The following ZGLP1 variants were observed in gnomAD, a reference collection of about 807,000 sequenced individuals.
ZGLP1 encodes zinc finger GATA like protein 1.
In ZGLP1, 11 loss-of-function variants were observed where a neutral mutation model predicts 21.4. That is an observed-to-expected ratio of 0.51 (90% confidence interval 0.32 to 0.85). The LOEUF (loss-of-function observed/expected upper bound fraction) is 0.85. Among genes scored for constraint, ZGLP1 ranks in the 40% least tolerant of loss-of-function variants. ZGLP1 has a pLI of 0.03. For missense variants in ZGLP1, 295 were observed against 355.6 expected, an observed-to-expected ratio of 0.83 and a Z score of 1.37; for synonymous variants, 148 against 145.0, an observed-to-expected ratio of 1.02 and a Z score of -0.15.
chr19:10,308,235 C>T, exon 1 of ZGLP1: 1 of 1,575,042 alleles, frequency 6.3e-7, no homozygotes, highest in Non-Finnish European at 8.6e-7. Context: ...TCTGAAACTT[C>T]AGAGTCACCC....
Position 10,305,906 on chromosome 19 carries a change from C to T in ZGLP1, c.544G>A (p.Gly182Arg), listed in dbSNP as rs375604899. The T allele has an allele frequency of 6.4e-7, 1 of 1,565,672 alleles. No individual in the cohort carries two copies. The highest frequency in any genetic ancestry group is 2.3e-5 in the East Asian group (1 of 42,730). ...CCTCCTGGGTGGGCTGCAGGGCCCCCAACAGCATCTGCAGGGGATTCCTGA... is the reference window on the plus strand; with the variant it reads ...CCTCCTGGGTGGGCTGCAGGGCCCCTAACAGCATCTGCAGGGGATTCCTGA... The change falls in exon 2 of 4, where the codon GGG becomes AGG. Residue 182 changes from glycine to arginine, a missense_variant. By Grantham distance (125) the Gly-to-Arg change is moderately radical. Transcript: ENST00000403903. This position sits in a 1 kb window ranked among gnomAD's most constrained non-coding sequence, Gnocchi z 4.7.
intron 1 of ZGLP1, among the ~76,000 whole-genome samples, chr19:10,306,705 G>A (rs531214231): frequency 6.6e-6 from 1 of 152,202 alleles, no homozygotes; most frequent in East Asian, 1.9e-4. Context: ...CTCCCAGCTA[G>A]TTGGGAGGCT....
chr19:10,308,283 G>C, exon 1 of ZGLP1: 1 of 1,608,682 alleles, frequency 6.2e-7, no homozygotes, highest in Non-Finnish European at 8.5e-7. Flanking sequence ...TGCCCCGGCA[G>C]GGGTTCAGCT....
rs372010625 is a variant in ZGLP1 at position 10,305,884 on chromosome 19, C to G, written c.566G>C (p.Gly189Ala). ...GCCTGCTGAGTGGGCCTCGGTGCCT[C>G]CTGGGTGGGCTGCAGGGCCCCCAAC... is the stretch of plus-strand genomic sequence containing the variant. Residue 189 changes from glycine (G) to alanine (A), a missense_variant, in exon 2 of 4, where the codon GGA becomes GCA. By Grantham distance (60) the Gly-to-Ala change is moderately conservative (BLOSUM62 0). Around this residue, in one of 2 missense-constraint regions of ZGLP1, gnomAD observed 252 missense variants for 264.0 expected, o/e 0.95. Transcript: ENST00000403903. This position sits in a 1 kb window ranked among gnomAD's most constrained non-coding sequence, Gnocchi z 4.7. 2.8e-5 allele frequency: 43 copies of G among 1,563,020 alleles called. No individual in the cohort carries two copies. The highest frequency in any genetic ancestry group is 1.7e-4 in the Middle Eastern group (1 of 6,028).
chr19:10,305,019 G>A lies in ZGLP1; in HGVS notation c.*72C>T. The A allele has an allele frequency of 8.4e-7, 1 of 1,189,836 alleles. No individual in the cohort carries two copies. Among genetic ancestry groups the A allele is most frequent in the Non-Finnish European group, 1.2e-6 (1 of 802,814 alleles). 73.7% of individuals were successfully genotyped at this position (1,189,836 alleles called of 1,614,324 possible). A position where few individuals can be genotyped will look rare whatever the true frequency, so the allele number is the denominator to read the frequency against. On this transcript the variant is annotated 3_prime_UTR_variant, in exon 4 of 4. Transcript: ENST00000403903. This position sits in a 1 kb window ranked among gnomAD's most constrained non-coding sequence, Gnocchi z 4.7. Reference sequence around the variant, plus strand: ...GGCTCTTTCCCCAATCCTCCTAGGAGAGCTGCTTCTGCCCATTCTCCCACT... The same window carrying A: ...GGCTCTTTCCCCAATCCTCCTAGGAAAGCTGCTTCTGCCCATTCTCCCACT...
chr19:10,308,522 C>G, exon 1 of ZGLP1: 2 of 1,607,564 alleles, frequency 1.2e-6, no homozygotes, highest in South Asian at 1.1e-5. Flanking sequence ...AGGGCGGTGA[C>G]CGACTCCTGG....
intron 1 of ZGLP1, among the ~76,000 whole-genome samples, chr19:10,307,824 C>G (rs1171750865): frequency 6.6e-6 from 1 of 152,226 alleles, no homozygotes; most frequent in East Asian, 1.9e-4. Context: ...CCTCCCCAGG[C>G]TTTTGAATGA....
chr19:10,306,816 AAAAC>A (rs375406494), intron 1 of ZGLP1, among the ~76,000 whole-genome samples: 32 of 152,058 alleles, frequency 2.1e-4, no homozygotes, highest in African/African-American at 6.0e-4. Flanking sequence ...CCCTGTCTCA[AAAAC>A]AAACAAACAA....
Position 10,305,820 on chromosome 19 carries a change from A to C in ZGLP1, c.604+26T>G. On this transcript the variant is annotated intron_variant, in intron 2 of 3. Transcript: ENST00000403903. The surrounding 1 kb of genome is among the most constrained non-coding windows in gnomAD (Gnocchi z 4.7). ...CAGGAAATTGGCCCCCAAAATATTTATAGCTCTTGGGTTTTCAGGACTCAC... is the reference window on the plus strand; with the variant it reads ...CAGGAAATTGGCCCCCAAAATATTTCTAGCTCTTGGGTTTTCAGGACTCAC... The C allele has an allele frequency of 6.5e-7, 1 of 1,529,510 alleles. No homozygotes were observed. The highest frequency in any genetic ancestry group is 8.9e-7 in the Non-Finnish European group (1 of 1,126,758). The allele number at this position is 1,529,510 out of a possible 1,614,324, so 94.7% of individuals were successfully genotyped here. A position where few individuals can be genotyped will look rare whatever the true frequency, so the allele number is the denominator to read the frequency against.
Position 10,306,257 on chromosome 19 carries a change from C to T in ZGLP1, c.498-305G>A, listed in dbSNP as rs193019218. ...CCTCCCAAGCAGCTGGGACTACAGG[C>T]GCGCGACACCACGCCCAGCTAATTT... On this transcript the variant is annotated intron_variant, in intron 1 of 3. Coordinates refer to ENST00000403903, the Ensembl canonical transcript of ZGLP1. 6.0e-3 allele frequency among the ~76,000 whole-genome samples: 905 copies of T among 151,876 alleles called. 5 individuals carry two copies. The highest frequency in any genetic ancestry group is 0.021 in the South Asian group (103 of 4,800).
At chr19:10,306,205 C>T (rs914178807) in intron 1 of ZGLP1, among the ~76,000 whole-genome samples, 10 of 151,848 alleles carry the variant, frequency 6.6e-5, no homozygotes, top group East Asian at 3.9e-4. Context: ...CTCCACCTCC[C>T]GGGTTCAAGC....
intron 1 of ZGLP1, among the ~76,000 whole-genome samples, chr19:10,307,026 C>T (rs899317896): frequency 3.3e-5 from 5 of 151,506 alleles, no homozygotes; most frequent in Admixed American, 2.0e-4. Context: ...CCCAGCTACT[C>T]CAGAGGCTGA....
chr19:10,308,335 G>A (rs1167015450), exon 1 of ZGLP1: 2 of 1,609,816 alleles, frequency 1.2e-6, no homozygotes, highest in Non-Finnish European at 8.5e-7. Flanking sequence ...GGGAGTCCCC[G>A]GGGGCTGCAG....
exon 1 of ZGLP1, chr19:10,308,339 G>T (rs1405068654): frequency 6.2e-7 from 1 of 1,609,058 alleles, no homozygotes; most frequent in East Asian, 2.2e-5. Flanking sequence ...GTCCCCGGGG[G>T]CTGCAGACGG....
chr19:10,308,968 A>G (rs1017434550), exon 1 of ZGLP1: 2 of 276,900 alleles, frequency 7.2e-6, no homozygotes, highest in Non-Finnish European at 1.3e-5. Context: ...TGCAGCCTAG[A>G]ACTCCTGGGC....
exon 1 of ZGLP1, chr19:10,308,586 G>A: frequency 1.3e-6 from 2 of 1,584,352 alleles, no homozygotes. Context: ...GTTTTCTTGG[G>A]TGACTCCTGG....
rs1465235074 is a variant in ZGLP1 at position 10,305,309 on chromosome 19, T to A, written c.698+81A>T. 1 of 1,553,108 alleles carries A rather than the reference T, an allele frequency of 6.4e-7. No individual in the cohort carries two copies. Among genetic ancestry groups the A allele is most frequent in the African/African-American group, 1.4e-5 (1 of 73,468 alleles). ...CCCAAGAGGTAGGTGTTTTGCTTTT[T>A]GCTTTCCCCACAGGCCATCCTGGTT... On this transcript the variant is annotated intron_variant, in intron 3 of 3. Transcript: ENST00000403903. This position sits in a 1 kb window ranked among gnomAD's most constrained non-coding sequence, Gnocchi z 4.7.
At chr19:10,308,616 T>C in exon 1 of ZGLP1, 1 of 1,539,780 alleles carries the variant, frequency 6.5e-7, no homozygotes. Flanking sequence ...GCCAGGGGGT[T>C]CCAACTTGGG....
intron 1 of ZGLP1, among the ~76,000 whole-genome samples, 191 bp from the exon 3 acceptor site, chr19:10,306,143 C>T (rs1203158102): frequency 1.3e-5 from 2 of 151,860 alleles, no homozygotes; most frequent in South Asian, 2.1e-4. Context: ...GATGGAGTCT[C>T]GCTCTGTTGC....
Sources: allele counts gnomAD v4.1 joint callset (sites outside exome capture counted in the v4.1 genomes callset), GRCh38; gene constraint gnomAD v4.1.1; regional missense constraint gnomAD v4.1.1; non-coding constraint Gnocchi (gnomAD v3.1); transcripts MANE v1.5; gene names NCBI Gene and HGNC (gene_info 2026-07-23, HGNC 2026-07-21).